ZDHHC19: variants seen among roughly 807,000 people sequenced by gnomAD.
The protein encoded by ZDHHC19 is zDHHC palmitoyltransferase 19, also known as palmitoyltransferase ZDHHC19.
ZDHHC19 carries 30 observed loss-of-function variants against 33.9 expected under a neutral mutation model. That is an observed-to-expected ratio of 0.88 (90% CI 0.66 to 1.20). The LOEUF (loss-of-function observed/expected upper bound fraction) is 1.20. Among genes scored for constraint, ZDHHC19 ranks in the 50% most tolerant of loss-of-function variants. The pLI is 0.00. For synonymous variants in ZDHHC19, 178 were observed against 167.6 expected, an observed-to-expected ratio of 1.06 and a Z score of -0.48; for missense variants, 364 against 401.1, an observed-to-expected ratio of 0.91 and a Z score of 0.79.
intron 1 of ZDHHC19, 74 bp downstream of exon 1, chr3:196,211,096 C>T (rs1723266390): frequency 6.2e-7 from 1 of 1,609,094 alleles, no homozygotes; most frequent in Non-Finnish European, 8.5e-7. Context: ...CACTCCCCTG[C>T]CTCCATCCTA....
At chr3:196,199,181 TA>T (rs989334620) in intron 5 of ZDHHC19, among the ~76,000 whole-genome samples, 5 of 152,232 alleles carry the variant, frequency 3.3e-5, no homozygotes, top group African/African-American at 1.2e-4. Context: ...AAATCTGGGC[TA>T]AAAGCCTTGA....
chr3:196,206,679 CT>C (rs10578928), intron 5 of ZDHHC19, among the ~76,000 whole-genome samples: 20,020 of 112,552 alleles, frequency 0.18, 1,501 homozygotes, highest in East Asian at 0.37. Context: ...CTTTTCTTTT[CT>C]TTTTTTTTTT....
At chr3:196,200,077 C>T (rs561423026) in intron 5 of ZDHHC19, among the ~76,000 whole-genome samples, 5 of 151,428 alleles carry the variant, frequency 3.3e-5, no homozygotes, top group Admixed American at 2.6e-4. Flanking sequence ...ATCTCTTGAC[C>T]CCAGAAGTTC....
intron 2 of ZDHHC19, among the ~76,000 whole-genome samples, chr3:196,210,268 GAGAA>G (rs59234849): frequency 0.072 from 8,556 of 119,196 alleles, 391 homozygotes; most frequent in African/African-American, 0.1. Context: ...AGAAAGAAAA[GAGAA>G]AGAAAGAAAG....
At chr3:196,208,649 T>C in intron 3 of ZDHHC19, 89 bp from the exon 4 acceptor site, 1 of 1,470,264 alleles carries the variant, frequency 6.8e-7, no homozygotes, top group East Asian at 2.5e-5. Context: ...CCCCCTGCCT[T>C]CTAGGCCACC....
intron 5 of ZDHHC19, among the ~76,000 whole-genome samples, chr3:196,206,373 G>A (rs2108732433): frequency 6.6e-6 from 1 of 151,972 alleles, no homozygotes; most frequent in East Asian, 1.9e-4. Context: ...TTTTAAGACA[G>A]GGTCTTGCTC....
chr3:196,209,555 C>T lies in ZDHHC19; in HGVS notation c.269-40G>A, dbSNP rs200173869. Reference sequence around the variant, plus strand: ...GGATTGGGCACAGCAGAAGGCCCTGCGGTCACCCCGCGGCGGGGGCAGCTC... The same window carrying T: ...GGATTGGGCACAGCAGAAGGCCCTGTGGTCACCCCGCGGCGGGGGCAGCTC... On this transcript the variant is annotated intron_variant, in intron 2 of 7. Transcript: ENST00000296326. The T allele has an allele frequency of 5.0e-6, 8 of 1,600,214 alleles. No individual in the cohort carries two copies. In the East Asian group the frequency reaches 6.7e-5, roughly 13 times the overall value.
Position 196,208,534 on chromosome 3 carries a change from G to T in ZDHHC19, c.435C>A (p.Val145=). The stretch of plus-strand genomic sequence containing the variant: ...AGTTGCGGTGACCGATGCAGTTATT[G>T]ACCCACTTGCAGTGGTGGTCAAAGT... ...VEDFDHHCKW[V]NNCIGHRNFR... Residue 145 remains valine, a synonymous_variant, in exon 4 of 8, where the codon GTC becomes GTA. Coordinates refer to ENST00000296326, the MANE Select transcript of ZDHHC19 (RefSeq NM_001039617.2). The T allele has an allele frequency of 6.2e-7, 1 of 1,614,110 alleles. No individual in the cohort carries two copies. The highest frequency in any genetic ancestry group is 8.5e-7 in the Non-Finnish European group (1 of 1,180,002).
At chr3:196,206,290 C>T (rs1005355259) in intron 5 of ZDHHC19, among the ~76,000 whole-genome samples, 2 of 149,430 alleles carry the variant, frequency 1.3e-5, no homozygotes, top group Non-Finnish European at 3.0e-5. Flanking sequence ...AGTCTCAGGT[C>T]ATCTGGCCAC....
chr3:196,202,212 T>G (rs1437086019), intron 5 of ZDHHC19: 1 of 152,022 alleles, frequency 6.6e-6, no homozygotes, highest in African/African-American at 2.4e-5. Flanking sequence ...TTCCAGCTGC[T>G]TGGGAGGCTG....
chr3:196,210,716 GT>G lies in ZDHHC19; in HGVS notation c.167del (p.Asn56ThrfsTer42). The G allele has an allele frequency of 6.2e-7, 1 of 1,613,738 alleles. No individual in the cohort carries two copies. Among genetic ancestry groups the G allele is most frequent in the East Asian group, 2.2e-5 (1 of 44,888 alleles). ...TGATAACAGGAAAGGCCCACTCCCC[GT>G]TCTGAGCCAGCCACCTGCAACTGAG... ...FAFPCRWLAQ[N>X]GEWAFPVITG... On this transcript the variant is annotated frameshift_variant, in exon 2 of 8. Transcript: ENST00000296326. LOFTEE classifies it high-confidence loss of function.
At chr3:196,205,504 G>C (rs940017081) in intron 5 of ZDHHC19, among the ~76,000 whole-genome samples, 7 of 152,174 alleles carry the variant, frequency 4.6e-5, no homozygotes, top group Admixed American at 2.6e-4. Flanking sequence ...GACTACAAAA[G>C]ACCATGATCT....
intron 5 of ZDHHC19, among the ~76,000 whole-genome samples, chr3:196,207,046 C>A (rs1348709089): frequency 6.6e-6 from 1 of 152,182 alleles, no homozygotes; most frequent in East Asian, 1.9e-4. Context: ...TGAGTCTGCG[C>A]CACACAGCTC....
chr3:196,208,355 C>A, intron 4 of ZDHHC19, 33 bp downstream of exon 4: 1 of 1,610,482 alleles, frequency 6.2e-7, no homozygotes, highest in Admixed American at 1.7e-5. Flanking sequence ...GCTGTCCCCG[C>A]CTCCTCTCCT....
At chr3:196,200,575 CG>C (rs1722244478) in intron 5 of ZDHHC19, among the ~76,000 whole-genome samples, 1 of 150,172 alleles carries the variant, frequency 6.7e-6, no homozygotes, top group Non-Finnish European at 1.5e-5. Flanking sequence ...AGGATGGTCT[CG>C]ATCTCCTGAC....
chr3:196,209,199 A>G, intron 3 of ZDHHC19, 177 bp downstream of exon 3: 1 of 859,378 alleles, frequency 1.2e-6, no homozygotes, highest in East Asian at 2.7e-5. Flanking sequence ...GCCTCCCAGG[A>G]CAGGTGCAGG....
In ZDHHC19 at chr3:196,207,406, T is replaced by C. The variant is rs1390549744; in HGVS notation, c.679A>G (p.Lys227Glu). Reference protein sequence around the residue: ...LSVSSADRTYKGKCRHLQGYN... With the variant: ...LSVSSADRTYEGKCRHLQGYN... ...CCCGCGGCCCCGCGTACCTTGCCCT[T>C]GTAGGTGCGGTCGGCCGAGCTCACG... Residue 227 changes from lysine to glutamate, a missense_variant, in exon 5 of 8, where the codon AAG becomes GAG. Coordinates refer to ENST00000296326, the MANE Select transcript of ZDHHC19 (RefSeq NM_001039617.2). 1 of 1,562,074 alleles carries C rather than the reference T, an allele frequency of 6.4e-7. No homozygotes were observed. Among genetic ancestry groups the C allele is most frequent in the South Asian group, 1.2e-5 (1 of 84,710 alleles).
intron 2 of ZDHHC19, among the ~76,000 whole-genome samples, chr3:196,210,359 A>AGAAAGAAG (rs1271381279): frequency 4.5e-5 from 6 of 133,966 alleles, no homozygotes; most frequent in African/African-American, 8.0e-5. Context: ...AAAGAAAGAA[A>AGAAAGAAG]GAAGGAAGGA....
rs1257011472 is a variant in ZDHHC19, at chr3:196,210,802, G to A, written c.147-65C>T. The A allele has an allele frequency of 1.9e-6, 3 of 1,578,796 alleles. No individual in the cohort carries two copies. In the African/African-American group the frequency reaches 4.0e-5, roughly 21 times the overall value. ...CCAAAGCCCCCGGCCCAAGGCCTGT[G>A]GCTTGCTCAGGTCAGGACCCACAGA... is the stretch of plus-strand genomic sequence containing the variant. On this transcript the variant is annotated intron_variant, in intron 1 of 7. Coordinates refer to ENST00000296326, the MANE Select transcript of ZDHHC19 (RefSeq NM_001039617.2).
Sources: allele counts gnomAD v4.1 joint callset (sites outside exome capture counted in the v4.1 genomes callset), GRCh38; gene constraint gnomAD v4.1.1; transcripts MANE v1.5; gene names NCBI Gene and HGNC (gene_info 2026-07-23, HGNC 2026-07-21).